The following DIAPH2 variants were observed in gnomAD, a reference collection of about 807,000 sequenced individuals.
DIAPH2 encodes the protein diaphanous related formin 2, also known as protein diaphanous homolog 2.
In DIAPH2, 35 loss-of-function variants were observed where a neutral mutation model predicts 92.7. The observed-to-expected ratio is 0.38, with a 90% CI of 0.29 to 0.50. The LOEUF is 0.50. Among genes scored for constraint, DIAPH2 ranks in the 20% least tolerant of loss-of-function variants. The pLI, the probability that DIAPH2 is intolerant of heterozygous loss-of-function variation, is 0.94. For synonymous variants in DIAPH2, 301 were observed against 280.4 expected, an observed-to-expected ratio of 1.07 and a Z score of -0.73; for missense variants, 701 against 819.5, an observed-to-expected ratio of 0.86 and a Z score of 1.77.
chrX:97,213,460 A>G (rs1415600479), intron 22 of DIAPH2, among the ~76,000 whole-genome samples: 2 of 111,871 alleles, frequency 1.8e-5, no homozygotes, highest in Non-Finnish European at 3.8e-5. Flanking sequence ...TATCATCAAG[A>G]CAAACAACTA....
chrX:96,714,296 T>C (rs1421614986), intron 1 of DIAPH2, among the ~76,000 whole-genome samples: 1 of 104,909 alleles, frequency 9.5e-6, no homozygotes, highest in Admixed American at 1.0e-4. Context: ...GATGGAGTTT[T>C]GCTCGTTGCC....
At chrX:96,884,850 G>GC (rs777899567) in intron 5 of DIAPH2, 2 of 1,211,240 alleles carry the variant, frequency 1.7e-6, no homozygotes, top group Non-Finnish European at 1.1e-6. Context: ...TAGAAAGTGT[G>GC]CCTGTGTCTC....
intron 13 of DIAPH2, among the ~76,000 whole-genome samples, chrX:96,943,821 C>T (rs1264121079): frequency 2.7e-5 from 3 of 111,041 alleles, no homozygotes; most frequent in Non-Finnish European, 3.8e-5. Context: ...TGAGGAGAGA[C>T]GAACGGATCA....
chrX:97,321,571 A>C (rs1178145243), intron 23 of DIAPH2, among the ~76,000 whole-genome samples: 1 of 64,036 alleles, frequency 1.6e-5, no homozygotes, highest in African/African-American at 6.3e-5. Context: ...TTTTTTTGAG[A>C]TGGAATCTCG....
chrX:96,813,646 TTGCAGTGGC>T (rs1301656854), intron 4 of DIAPH2, among the ~76,000 whole-genome samples: 1 of 111,885 alleles, frequency 8.9e-6, no homozygotes, highest in East Asian at 2.8e-4. Flanking sequence ...TGGCATGTTT[TTGCAGTGGC>T]TGGTACTGGT....
chrX:96,779,189 C>A (rs960011542), intron 4 of DIAPH2, among the ~76,000 whole-genome samples: 4 of 111,770 alleles, frequency 3.6e-5, no homozygotes, highest in Admixed American at 9.5e-5. Context: ...ACCTCTTTAA[C>A]CTTCTTTGAC....
rs781359036 is a variant in DIAPH2, at chrX:97,226,499, G to A, written c.2720-21216G>A. Among the ~76,000 whole-genome samples, 112 of 110,154 alleles carry A rather than the reference G, an allele frequency of 1.0e-3. 1 individual carries two copies. Among genetic ancestry groups the A allele is most frequent in the African/African-American group, 2.7e-3 (83 of 30,236 alleles). On this transcript the variant is annotated intron_variant, in intron 22 of 26. Coordinates refer to ENST00000324765, the MANE Select transcript of DIAPH2 (RefSeq NM_006729.5). ...AGTGACTCTCCTGCCTCAGCCTCCCGAGTAGCTGGGATTACAGGTGTCTGC... is the reference window on the plus strand; with the variant it reads ...AGTGACTCTCCTGCCTCAGCCTCCCAAGTAGCTGGGATTACAGGTGTCTGC...
intron 26 of DIAPH2, among the ~76,000 whole-genome samples, chrX:97,598,746 T>C (rs911233399): frequency 8.9e-6 from 1 of 111,815 alleles, no homozygotes; most frequent in African/African-American, 3.3e-5. Flanking sequence ...TGAATTTTTT[T>C]ACATCATACA....
chrX:96,885,166 C>G (rs2065251554), intron 5 of DIAPH2: 1 of 951,616 alleles, frequency 1.1e-6, no homozygotes, highest in African/African-American at 2.0e-5. Context: ...GACCTGTTGA[C>G]TTTTTAGGAA....
chrX:97,359,768 GGGTTTCACCATGTT>G, intron 24 of DIAPH2, among the ~76,000 whole-genome samples: 1 of 108,225 alleles, frequency 9.2e-6, no homozygotes, highest in East Asian at 2.9e-4. Context: ...AGTAGAGATG[GGGTTTCACCATGTT>G]GGTCAGGCTG....
At chrX:97,206,253 A>G (rs756931142) in intron 22 of DIAPH2, among the ~76,000 whole-genome samples, 2 of 111,684 alleles carry the variant, frequency 1.8e-5, no homozygotes, top group East Asian at 5.7e-4. Context: ...GCAAACCACC[A>G]TGGCACATGT....
rs549551094 is a variant in DIAPH2 at position 97,059,349 on chromosome X, A to G, written c.2051-13592A>G. The stretch of plus-strand genomic sequence containing the variant: ...ATACCTATTACATCTTATGTGCTTC[A>G]GTTTTCTTTAAATAGTGCACCTGGT... On this transcript the variant is annotated intron_variant, in intron 17 of 26. Transcript: ENST00000324765. Among the ~76,000 whole-genome samples, 9 of 111,647 alleles carry G rather than the reference A, an allele frequency of 8.1e-5. No homozygotes were observed. In the South Asian group the frequency reaches 3.4e-3, roughly 42 times the overall value.
At chrX:97,479,943 G>GA (rs745568475) in intron 26 of DIAPH2, among the ~76,000 whole-genome samples, 5 of 110,949 alleles carry the variant, frequency 4.5e-5, no homozygotes, top group African/African-American at 9.8e-5. Context: ...ATTTCAAAAG[G>GA]AAAAAAAATT....
chrX:97,023,966 A>G (rs1298542935), intron 17 of DIAPH2, among the ~76,000 whole-genome samples: 1 of 112,222 alleles, frequency 8.9e-6, no homozygotes, highest in Admixed American at 9.5e-5. Context: ...TAAATAATCA[A>G]CAGGCATTCA....
At chrX:97,225,774 C>A (rs976309610) in intron 22 of DIAPH2, among the ~76,000 whole-genome samples, 21 of 111,550 alleles carry the variant, frequency 1.9e-4, no homozygotes, top group African/African-American at 6.5e-4. Flanking sequence ...AAGAAAAAAA[C>A]CTAAATAATT....
At chrX:96,919,164 A>T (rs2065524846) in intron 9 of DIAPH2, among the ~76,000 whole-genome samples, 2 of 112,390 alleles carry the variant, frequency 1.8e-5, no homozygotes, top group Admixed American at 9.4e-5. Context: ...TCAGGAAATG[A>T]TCCATTTTAT....
chrX:97,589,679 A>G (rs2071504371), intron 26 of DIAPH2, among the ~76,000 whole-genome samples: 6 of 112,123 alleles, frequency 5.4e-5, no homozygotes, highest in Admixed American at 3.8e-4. Flanking sequence ...CATTTATCCG[A>G]TAATGTGAGG....
intron 22 of DIAPH2, among the ~76,000 whole-genome samples, chrX:97,188,504 G>A (rs1273917088): frequency 8.9e-6 from 1 of 112,129 alleles, no homozygotes; most frequent in Non-Finnish European, 1.9e-5. Context: ...CCATTTAACT[G>A]ATAGCTCAGT....
chrX:97,493,726 A>AG (rs2070739672), intron 26 of DIAPH2, among the ~76,000 whole-genome samples: 1 of 104,652 alleles, frequency 9.6e-6, no homozygotes, highest in African/African-American at 3.5e-5. Flanking sequence ...TAAAAAAAAA[A>AG]ATTACAAAAA....
Sources: allele counts gnomAD v4.1 joint callset (sites outside exome capture counted in the v4.1 genomes callset), GRCh38; gene constraint gnomAD v4.1.1; transcripts MANE v1.5; gene names NCBI Gene and HGNC (gene_info 2026-07-23, HGNC 2026-07-21).